The following ABCC4 variants were observed in gnomAD, a reference collection of about 807,000 sequenced individuals.
ABCC4 encodes ATP binding cassette subfamily C member 4 (PEL blood group).
A neutral mutation model predicts 168.5 loss-of-function variants in ABCC4; 102 were observed. The ratio of observed to expected loss-of-function variants is 0.61; its 90% confidence interval spans 0.52 to 0.71. The LOEUF (loss-of-function observed/expected upper bound fraction) is 0.71. ABCC4 is among the 30% of genes least tolerant of loss of function. The pLI is 0.00. For missense variants in ABCC4, 1,402 were observed against 1,605.8 expected (o/e 0.87, Z 2.17); for synonymous variants, 617 against 590.7 (o/e 1.04, Z -0.65).
chr13:95,040,324 C>T (rs971145816), intron 29 of ABCC4, among the ~76,000 whole-genome samples: 3 of 152,146 alleles, frequency 2.0e-5, no homozygotes, highest in Non-Finnish European at 4.4e-5. Flanking sequence ...CTCCGCCTCC[C>T]AGGTTCAAAA....
chr13:95,052,703 G>A (rs1418521918), intron 27 of ABCC4, among the ~76,000 whole-genome samples: 1 of 150,096 alleles, frequency 6.7e-6, no homozygotes, highest in Non-Finnish European at 1.5e-5. Flanking sequence ...CTATCTTTTA[G>A]TTAATGAAAA....
chr13:95,159,093 T>TA (rs2036982333), intron 19 of ABCC4, among the ~76,000 whole-genome samples: 4 of 61,014 alleles, frequency 6.6e-5, no homozygotes, highest in Admixed American at 2.5e-4. Flanking sequence ...TAAATAAATT[T>TA]TATATATATA....
In ABCC4 at chr13:95,196,651, A is replaced by C. The variant is rs865867417; in HGVS notation, c.1162-1714T>G. 2.2e-3 allele frequency among the ~76,000 whole-genome samples: 69 copies of C among 31,706 alleles called. 1 individual carries two copies. The highest frequency in any genetic ancestry group is 9.4e-3 in the African/African-American group (63 of 6,702). The allele number at this position is 31,706 out of a possible 152,430, so 20.8% of individuals were successfully genotyped here. On this transcript the variant is annotated intron_variant, in intron 8 of 30. Transcript: ENST00000645237. ...AAGGAAGGAAGGAAGGAAGGAAGGA[A>C]GGAAGGAAGGAAGGAAGGAAGGAAG...
chr13:95,047,239 C>T (rs1276779739), intron 27 of ABCC4, among the ~76,000 whole-genome samples: 1 of 152,170 alleles, frequency 6.6e-6, no homozygotes, highest in Non-Finnish European at 1.5e-5. Flanking sequence ...TCCTGCCTGG[C>T]TCTGCCAACT....
intron 20 of ABCC4, among the ~76,000 whole-genome samples, chr13:95,091,286 A>C (rs2034425743): frequency 6.6e-6 from 1 of 152,222 alleles, no homozygotes; most frequent in Non-Finnish European, 1.5e-5. Flanking sequence ...AAATACAAGA[A>C]GCACAAAGAA....
chr13:95,176,643 A>T (rs1385236647), intron 13 of ABCC4, among the ~76,000 whole-genome samples: 1 of 151,964 alleles, frequency 6.6e-6, no homozygotes, highest in Non-Finnish European at 1.5e-5. Flanking sequence ...TCTCTCTCTC[A>T]CTCAGCCCAG....
At chr13:95,199,692 G>A (rs949304366) in intron 8 of ABCC4, among the ~76,000 whole-genome samples, 3 of 152,184 alleles carry the variant, frequency 2.0e-5, no homozygotes, top group East Asian at 1.9e-4. Context: ...ATCATCTTCC[G>A]GGACTGCTTG....
At chr13:95,084,358 G>A (rs1264644834) in intron 20 of ABCC4, among the ~76,000 whole-genome samples, 1 of 152,148 alleles carries the variant, frequency 6.6e-6, no homozygotes, top group East Asian at 1.9e-4. Flanking sequence ...CATACGGCTA[G>A]CTTTTTATTG....
intron 30 of ABCC4, among the ~76,000 whole-genome samples, chr13:95,027,413 A>G (rs1485655978): frequency 6.6e-6 from 1 of 152,176 alleles, no homozygotes; most frequent in East Asian, 1.9e-4. Context: ...TTTTTCTTCT[A>G]TTCCATTGTA....
At chr13:95,117,553 G>A (rs1264715424) in intron 19 of ABCC4, among the ~76,000 whole-genome samples, 1 of 152,134 alleles carries the variant, frequency 6.6e-6, no homozygotes, top group East Asian at 1.9e-4. Context: ...AAAATTAAAT[G>A]AGTATTTTTC....
intron 30 of ABCC4, among the ~76,000 whole-genome samples, chr13:95,024,105 G>C (rs112975730): frequency 0.062 from 9,353 of 151,626 alleles, 958 homozygotes; most frequent in African/African-American, 0.22. Context: ...TACTCGGGAG[G>C]CTGAGGCAGG....
At chr13:95,036,359 T>G (rs998478706) in intron 29 of ABCC4, among the ~76,000 whole-genome samples, 2 of 152,294 alleles carry the variant, frequency 1.3e-5, no homozygotes, top group South Asian at 4.1e-4. Flanking sequence ...AAGGAAGTCC[T>G]ACTACTATTT....
At chr13:95,174,701 G>T (rs528525764) in intron 13 of ABCC4, among the ~76,000 whole-genome samples, 1 of 152,318 alleles carries the variant, frequency 6.6e-6, no homozygotes, top group East Asian at 1.9e-4. Flanking sequence ...GCGTCCCACC[G>T]GGAATTGTTG....
At chr13:95,228,369 A>G (rs74105487) in intron 4 of ABCC4, among the ~76,000 whole-genome samples, 12,398 of 152,144 alleles carry the variant, frequency 0.081, 604 homozygotes, top group African/African-American at 0.12. Flanking sequence ...TCTGTGCATT[A>G]TGGGAGGGCA....
At chr13:95,284,657 T>C (rs924986963) in intron 1 of ABCC4, among the ~76,000 whole-genome samples, 3 of 152,154 alleles carry the variant, frequency 2.0e-5, no homozygotes, top group Non-Finnish European at 2.9e-5. Context: ...CAAAAATGTA[T>C]ATGGTTTGAC....
At chr13:95,126,440 C>T (rs2035762387) in intron 19 of ABCC4, among the ~76,000 whole-genome samples, 1 of 151,998 alleles carries the variant, frequency 6.6e-6, no homozygotes, top group South Asian at 2.1e-4. Flanking sequence ...GCAAAATCGG[C>T]TCTATCTCTA....
chr13:95,056,329 A>C (rs1470255341), intron 26 of ABCC4, among the ~76,000 whole-genome samples: 1 of 152,186 alleles, frequency 6.6e-6, no homozygotes, highest in Non-Finnish European at 1.5e-5. Flanking sequence ...AGAATCAGGG[A>C]ATCACCTGAA....
At chr13:95,238,465 G>C (rs2039840291) in intron 3 of ABCC4, among the ~76,000 whole-genome samples, 1 of 152,118 alleles carries the variant, frequency 6.6e-6, no homozygotes, top group East Asian at 1.9e-4. Context: ...ATCCCCGGAA[G>C]ATTCTGGAGT....
intron 8 of ABCC4, among the ~76,000 whole-genome samples, chr13:95,197,689 A>T (rs1445603121): frequency 6.6e-6 from 1 of 152,242 alleles, no homozygotes. Context: ...TTGACTTCAG[A>T]GTGGACGGTT....
Sources: gnomAD v4.1 joint callset for allele counts (sites outside exome capture counted in the v4.1 genomes callset) on GRCh38, gnomAD v4.1.1 for gene constraint, MANE v1.5 for transcripts, NCBI Gene and HGNC (gene_info 2026-07-23, HGNC 2026-07-21) for gene names.